Variants in GREB1L observed in about 807,000 individuals in gnomAD.
GREB1L encodes GREB1 like retinoic acid receptor coactivator.
In GREB1L, 17 loss-of-function variants were observed where a neutral mutation model predicts 200.8. The ratio of observed to expected loss-of-function variants is 0.08; its 90% CI spans 0.06 to 0.13. The LOEUF is 0.13. Ranked by LOEUF, GREB1L falls within the 10% of genes least tolerant of loss-of-function variation. The pLI is 1.00. For missense variants in GREB1L, 1,657 were observed against 2,367.7 expected (o/e 0.70, Z 6.23); for synonymous variants, 789 against 893.0 (o/e 0.88, Z 2.08).
chr18:21,287,793 CTTTTTTT>C (rs534899512), intron 1 of GREB1L, among the ~76,000 whole-genome samples: 1 of 133,322 alleles, frequency 7.5e-6, no homozygotes, highest in Non-Finnish European at 1.6e-5. Flanking sequence ...AGTTTAAAAT[CTTTTTTT>C]TTTTTTTTTT....
At chr18:21,517,031 G>C (rs533676489) in intron 30 of GREB1L, among the ~76,000 whole-genome samples, 1 of 151,916 alleles carries the variant, frequency 6.6e-6, no homozygotes, top group Admixed American at 6.5e-5. Context: ...GTGCCACCAC[G>C]CTTGGATAAT....
chr18:21,357,118 A>G (rs944551636), intron 1 of GREB1L, among the ~76,000 whole-genome samples: 1 of 152,156 alleles, frequency 6.6e-6, no homozygotes, highest in Non-Finnish European at 1.5e-5. Flanking sequence ...GCAGTGGCAC[A>G]ATCTCGGCTC....
chr18:21,327,397 A>G (rs2039038507), intron 1 of GREB1L, among the ~76,000 whole-genome samples: 1 of 151,968 alleles, frequency 6.6e-6, no homozygotes. Flanking sequence ...TCAGCATCCT[A>G]CGTAAGCCTT....
Position 21,524,955 on chromosome 18 carries a change from T to C in GREB1L, c.*2134T>C, listed in dbSNP as rs2037660111. 1.3e-5 allele frequency: 2 copies of C among 151,536 alleles called. No homozygotes were observed. Among genetic ancestry groups the C allele is most frequent in the South Asian group, 2.1e-4 (1 of 4,804 alleles). The allele number at this position is 151,536 out of a possible 1,614,324, so 9.4% of individuals were successfully genotyped here. On this transcript the variant is annotated 3_prime_UTR_variant, in exon 33 of 33. Transcript: ENST00000424526. ...TTATCATCAGTATAATTCTTGAGTA[T>C]GTTAGGTCCTTCTTTAAGGATAAAA...
At chr18:21,306,933 A>G (rs2038710512) in intron 1 of GREB1L, among the ~76,000 whole-genome samples, 1 of 152,182 alleles carries the variant, frequency 6.6e-6, no homozygotes, top group African/African-American at 2.4e-5. Context: ...AGATGGTGAT[A>G]TGTTTTATCT....
chr18:21,454,615 C>T (rs1568025159), intron 15 of GREB1L, 52 bp downstream of exon 15: 1 of 1,335,130 alleles, frequency 7.5e-7, no homozygotes, highest in Admixed American at 2.0e-5. Context: ...TTCAGATCCC[C>T]TCTGCCTCTT....
At chr18:21,345,273 T>C (rs1471787328) in intron 1 of GREB1L, among the ~76,000 whole-genome samples, 2 of 152,184 alleles carry the variant, frequency 1.3e-5, no homozygotes, top group East Asian at 1.9e-4. Flanking sequence ...TCACCTTCTT[T>C]CTCAGGGTTC....
chr18:21,497,423 A>G (rs1195626774), intron 21 of GREB1L, among the ~76,000 whole-genome samples: 2 of 152,166 alleles, frequency 1.3e-5, no homozygotes, highest in African/African-American at 4.8e-5. Flanking sequence ...CAGGTGGATC[A>G]CCTGAGGTCA....
At chr18:21,412,697 ATTTTG>A (rs1232264857) in intron 7 of GREB1L, among the ~76,000 whole-genome samples, 2 of 152,054 alleles carry the variant, frequency 1.3e-5, no homozygotes, top group East Asian at 1.9e-4. Flanking sequence ...TGCTGACAGT[ATTTTG>A]TTTTGTTTTG....
intron 6 of GREB1L, among the ~76,000 whole-genome samples, chr18:21,403,390 C>G (rs1252756384): frequency 1.3e-5 from 2 of 152,130 alleles, no homozygotes; most frequent in Non-Finnish European, 2.9e-5. Flanking sequence ...TTCTCTACTG[C>G]CTATACATTT....
At chr18:21,455,978 A>T (rs1424503596) in intron 15 of GREB1L, among the ~76,000 whole-genome samples, 1 of 137,574 alleles carries the variant, frequency 7.3e-6, no homozygotes, top group Admixed American at 8.6e-5. Context: ...GTCCTGGCTC[A>T]CTGCAACCTC....
At chr18:21,312,920 A>G (rs755299381) in intron 1 of GREB1L, among the ~76,000 whole-genome samples, 4 of 152,116 alleles carry the variant, frequency 2.6e-5, no homozygotes, top group Non-Finnish European at 5.9e-5. Flanking sequence ...TTTTCTAATG[A>G]TCAGTGATAC....
chr18:21,422,207 G>A lies in GREB1L; in HGVS notation c.833-17314G>A, dbSNP rs138042771. 2.0e-3 allele frequency among the ~76,000 whole-genome samples: 306 copies of A among 152,242 alleles called. 2 individuals are homozygous for A. Among genetic ancestry groups the A allele is most frequent in the African/African-American group, 6.8e-3 (284 of 41,528 alleles). On this transcript the variant is annotated intron_variant, in intron 7 of 32. Coordinates refer to ENST00000424526, the MANE Select transcript of GREB1L (RefSeq NM_001142966.3). ...ACTCACTAAGCACCAGGTTCTGCAC[G>A]GTAGCCTCACAGCCCCATGGTTCAA...
At chr18:21,446,170 G>A (rs1274603238) in intron 11 of GREB1L, among the ~76,000 whole-genome samples, 3 of 152,048 alleles carry the variant, frequency 2.0e-5, no homozygotes, top group Non-Finnish European at 4.4e-5. Flanking sequence ...GACTACAGGC[G>A]TGAACCACCA....
chr18:21,414,564 T>C (rs142288999), intron 7 of GREB1L, among the ~76,000 whole-genome samples: 70 of 152,290 alleles, frequency 4.6e-4, no homozygotes, highest in African/African-American at 1.6e-3. Flanking sequence ...TACAGGTAGA[T>C]GATAACATAA....
intron 2 of GREB1L, among the ~76,000 whole-genome samples, chr18:21,375,983 G>A (rs920848349): frequency 2.0e-5 from 3 of 152,044 alleles, no homozygotes; most frequent in African/African-American, 7.2e-5. Context: ...TGTAACATGT[G>A]CTTCACATAC....
At chr18:21,438,584 G>A (rs941504119) in intron 7 of GREB1L, among the ~76,000 whole-genome samples, 10 of 151,686 alleles carry the variant, frequency 6.6e-5, no homozygotes, top group African/African-American at 2.4e-4. Flanking sequence ...CAGGAGAATC[G>A]TTCAAGCCTA....
At chr18:21,264,069 A>G (rs532144247) in intron 1 of GREB1L, among the ~76,000 whole-genome samples, 2 of 152,344 alleles carry the variant, frequency 1.3e-5, no homozygotes, top group Admixed American at 6.5e-5. Context: ...AAAATCAAGC[A>G]TCTGATCAAA....
intron 18 of GREB1L, among the ~76,000 whole-genome samples, chr18:21,485,989 G>A (rs1187007947): frequency 6.6e-6 from 1 of 152,188 alleles, no homozygotes; most frequent in African/African-American, 2.4e-5. Flanking sequence ...TTTTCATGCT[G>A]AGTCAGCTCC....
Sources: allele counts gnomAD v4.1 joint callset (sites outside exome capture counted in the v4.1 genomes callset), GRCh38; gene constraint gnomAD v4.1.1; transcripts MANE v1.5; gene names NCBI Gene and HGNC (gene_info 2026-07-23, HGNC 2026-07-21).